The following PLA2G6 variants were observed in gnomAD, a reference collection of about 807,000 sequenced individuals.
The protein encoded by PLA2G6 is phospholipase A2 group VI, also known as 85/88 kDa calcium-independent phospholipase A2.
In PLA2G6, 62 loss-of-function variants were observed where a neutral mutation model predicts 83.8. The ratio of observed to expected loss-of-function variants is 0.74; its 90% CI spans 0.60 to 0.91. The LOEUF (loss-of-function observed/expected upper bound fraction) is 0.91. PLA2G6 is among the 40% of genes least tolerant of loss of function. The pLI is 0.00. For missense variants in PLA2G6, 944 were observed against 1,102.0 expected, an observed-to-expected ratio of 0.86 and a Z score of 2.03; for synonymous variants, 417 against 449.8, an observed-to-expected ratio of 0.93 and a Z score of 0.92.
rs1163368681 is a variant in PLA2G6, at chr22:38,174,597, GGAT to G, written c.-45-5129_-45-5127del. 2.0e-5 allele frequency among the ~76,000 whole-genome samples: 3 copies of G among 152,284 alleles called. No individual in the cohort carries two copies. In the East Asian group the frequency reaches 5.8e-4, roughly 29 times the overall value. On this transcript the variant is annotated intron_variant, in intron 1 of 16. Transcript: ENST00000332509. Reference sequence around the variant, plus strand: ...CCCCTGAGGGAAGGACCCCTAAAGGGGATGACTTTTTAGCTGAACTTTCCAGGA... The same window carrying G: ...CCCCTGAGGGAAGGACCCCTAAAGGGGACTTTTTAGCTGAACTTTCCAGGA...
At chr22:38,129,683 G>A in intron 7 of PLA2G6, 121 bp from the exon 8 acceptor site, 2 of 742,632 alleles carry the variant, frequency 2.7e-6, no homozygotes, top group Non-Finnish European at 4.9e-6. Context: ...AGCACGGGGA[G>A]ACACTGGAAC....
chr22:38,120,795 C>G lies in PLA2G6; in HGVS notation c.1706G>C (p.Gly569Ala). 6.2e-7 allele frequency: 1 copy of G among 1,613,910 alleles called. No individual in the cohort carries two copies. The highest frequency in any genetic ancestry group is 8.5e-7 in the Non-Finnish European group (1 of 1,180,028). ...PLEEFLKREF[G>A]EHTKMTDVRK... ...GACGTCCGTCATCTTGGTGTGCTCC[C>G]CAAACTCCCGCTTCAGGAACTCCTC... The change falls in exon 12 of 17, where the codon GGG becomes GCG. Residue 569 changes from glycine to alanine, a missense_variant. By Grantham distance (60) the Gly-to-Ala change is moderately conservative. Coordinates refer to ENST00000332509, the MANE Select transcript of PLA2G6 (RefSeq NM_003560.4).
intron 2 of PLA2G6, among the ~76,000 whole-genome samples, chr22:38,151,538 G>A (rs548448319): frequency 6.6e-6 from 1 of 152,278 alleles, no homozygotes; most frequent in South Asian, 2.1e-4. Context: ...ATCGTGCTGG[G>A]CCAAAAGCTT....
chr22:38,173,280 GGGGTAGACAATC>G (rs2090506655), intron 1 of PLA2G6, among the ~76,000 whole-genome samples: 1 of 152,022 alleles, frequency 6.6e-6, no homozygotes, highest in African/African-American at 2.4e-5. Context: ...ACCTTCCCGT[GGGGTAGACAATC>G]ACTTTTCCCC....
rs745774208 is a variant in PLA2G6, at chr22:38,126,435, T to C, written c.1363A>G (p.Met455Val). 2.5e-6 allele frequency: 4 copies of C among 1,609,910 alleles called. No homozygotes were observed. Among genetic ancestry groups the C allele is most frequent in the Admixed American group, 3.3e-5 (2 of 59,942 alleles). ...GGCTTCCGGGCCCGTGAGATGTGCA[T>C]GAGATCCTGTAGTTCTGTGAGGCAC... ...SLNNLELQDL[M>V]HISRARKPAF... The change falls in exon 10 of 17, where the codon ATG becomes GTG. Residue 455 changes from methionine to valine, a missense_variant. Coordinates refer to ENST00000332509, the MANE Select transcript of PLA2G6 (RefSeq NM_003560.4).
chr22:38,176,464 T>C (rs1289236285), intron 1 of PLA2G6, among the ~76,000 whole-genome samples: 1 of 152,140 alleles, frequency 6.6e-6, no homozygotes, highest in Non-Finnish European at 1.5e-5. Context: ...GGATGTCCCA[T>C]GATTGGAACA....
chr22:38,112,215 G>A lies in PLA2G6; in HGVS notation c.2367C>T (p.Ile789=), dbSNP rs150093048. The change falls in exon 17 of 17, where the codon ATC becomes ATT. Residue 789 remains isoleucine (I), a synonymous_variant. Transcript: ENST00000332509. The stretch of plus-strand genomic sequence containing the variant: ...TCTGGAACTCCTCGCGGTGCTCATA[G>A]ATGTAGACCTCGGTCTCCCAGAGGG... The part of the protein sequence containing the change: ...VNALWETEVY[I]YEHREEFQKL... 8 of 1,611,124 alleles carry A rather than the reference G, an allele frequency of 5.0e-6. No homozygotes were observed. In the African/African-American group the frequency reaches 8.0e-5, roughly 16 times the overall value.
At chr22:38,117,270 A>G (rs1211199679) in intron 12 of PLA2G6, among the ~76,000 whole-genome samples, 1 of 152,156 alleles carries the variant, frequency 6.6e-6, no homozygotes, top group East Asian at 1.9e-4. Context: ...ACAGTGGCGC[A>G]ATCTCGGCTC....
At chr22:38,149,513 T>C (rs2089452497) in intron 2 of PLA2G6, 1 of 152,072 alleles carries the variant, frequency 6.6e-6, no homozygotes, top group Non-Finnish European at 1.5e-5. Context: ...GTAGAGTACA[T>C]AAGAGACACA....
rs1161368639 is a variant in PLA2G6 at position 38,145,560 on chromosome 22, G to T, written c.303C>A (p.Val101=). ...LLPFYESSPQ[V]LHTEVLQHLT... Reference sequence around the variant, plus strand: ...GGTGCTGCAGGACCTCAGTGTGCAGGACCTGAGGGGAGCTCTCATAGAAGG... The same window carrying T: ...GGTGCTGCAGGACCTCAGTGTGCAGTACCTGAGGGGAGCTCTCATAGAAGG... Residue 101 remains valine (V), a synonymous_variant, in exon 3 of 17, where the codon GTC becomes GTA. Coordinates refer to ENST00000332509, the MANE Select transcript of PLA2G6 (RefSeq NM_003560.4). The T allele has an allele frequency of 6.2e-7, 1 of 1,613,030 alleles. No individual in the cohort carries two copies. The highest frequency in any genetic ancestry group is 1.3e-5 in the African/African-American group (1 of 74,880).
In PLA2G6 at chr22:38,134,974, C is replaced by T; in HGVS notation, c.894+14G>A. ...GGCCCCCTGCCCCACCCACCCACCT[C>T]AGGATCCACTCACCTCTGCGTTCTT... On this transcript the variant is annotated intron_variant, in intron 6 of 16. Transcript: ENST00000332509. 1 of 1,218,874 alleles carries T rather than the reference C, an allele frequency of 8.2e-7. No homozygotes were observed. The highest frequency in any genetic ancestry group is 1.2e-6 in the Non-Finnish European group (1 of 829,716). The allele number at this position is 1,218,874 out of a possible 1,614,324, so 75.5% of individuals were successfully genotyped here.
intron 12 of PLA2G6, among the ~76,000 whole-genome samples, chr22:38,118,233 C>A (rs867145372): frequency 3.9e-5 from 6 of 152,174 alleles, no homozygotes; most frequent in Admixed American, 6.5e-5. Context: ...CGTGGTCAGG[C>A]AGTGTTGATG....
intron 2 of PLA2G6, 100 bp downstream of exon 2, chr22:38,169,114 TCAGA>T (rs1216424860): frequency 2.6e-5 from 23 of 897,958 alleles, no homozygotes; most frequent in Admixed American, 6.0e-5. Flanking sequence ...TCCAGACCCC[TCAGA>T]CAGAGACTCA....
In PLA2G6 at chr22:38,132,931, A is replaced by T; in HGVS notation, c.977T>A (p.Met326Lys). 1 of 1,560,558 alleles carries T rather than the reference A, an allele frequency of 6.4e-7. No homozygotes were observed. The highest frequency in any genetic ancestry group is 8.7e-7 in the Non-Finnish European group (1 of 1,152,756). The stretch of plus-strand genomic sequence containing the variant: ...TATGGCACAGTCGAAGCGGTTGCGC[A>T]TCACCGCCACGTGCAGGGCCGTGTT... ...AGNTALHVAV[M>K]RNRFDCAIVL... is the part of the protein sequence containing the mutation. Residue 326 changes from methionine (M) to lysine (K), a missense_variant, in exon 7 of 17, where the codon ATG (methionine) becomes AAG (lysine). Met to Lys is a moderately conservative substitution (Grantham distance 95, BLOSUM62 -1). Coordinates refer to ENST00000332509, the MANE Select transcript of PLA2G6 (RefSeq NM_003560.4). The surrounding 1 kb of genome is among the most constrained non-coding windows in gnomAD (Gnocchi z 5.0).
rs141174626 is a variant in PLA2G6 at position 38,115,416 on chromosome 22, C to T, written c.2034+111G>A. The T allele has an allele frequency of 1.9e-5, 17 of 901,316 alleles. No homozygotes were observed. In the East Asian group the frequency reaches 2.1e-4, roughly 11 times the overall value. The allele number at this position is 901,316 out of a possible 1,614,324, so 55.8% of individuals were successfully genotyped here. The stretch of plus-strand genomic sequence containing the variant: ...CCCTGTGTGCACATATGAATGAGTG[C>T]GTGTGTAAAAGCCACCTGCTGTCCT... On this transcript the variant is annotated intron_variant, in intron 14 of 16. Coordinates refer to ENST00000332509, the MANE Select transcript of PLA2G6 (RefSeq NM_003560.4).
intron 1 of PLA2G6, among the ~76,000 whole-genome samples, chr22:38,174,096 CA>C (rs2090537038): frequency 1.3e-5 from 2 of 151,566 alleles, no homozygotes; most frequent in African/African-American, 4.9e-5. Context: ...TGATGTCCAC[CA>C]AAAAACAAAA....
intron 6 of PLA2G6, 31 bp downstream of exon 6, chr22:38,134,957 G>GGCCCC: frequency 1.0e-6 from 1 of 995,358 alleles, no homozygotes. Flanking sequence ...CCGGCCCCCT[G>GGCCCC]CCCCACCCAC....
Position 38,111,596 on chromosome 22 carries a change from G to A in PLA2G6, c.*565C>T, listed in dbSNP as rs886057497. ...TGACCTTTGAGAGCTGAGGGTTCTC[G>A]GGGTGGGGCAGTGTGAGGGGCTGGG... On this transcript the variant is annotated 3_prime_UTR_variant, in exon 17 of 17. Transcript: ENST00000332509. 2 of 172,528 alleles carry A rather than the reference G, an allele frequency of 1.2e-5. No individual in the cohort carries two copies. The highest frequency in any genetic ancestry group is 2.4e-5 in the African/African-American group (1 of 41,788). 10.7% of individuals were successfully genotyped at this position (172,528 alleles called of 1,614,324 possible).
chr22:38,145,041 T>C (rs2089167903), intron 3 of PLA2G6: 1 of 268,692 alleles, frequency 3.7e-6, no homozygotes, highest in South Asian at 3.3e-5. Flanking sequence ...CCTTTTTTTT[T>C]TTTTTTTTTT....
Sources: gnomAD v4.1 joint callset for allele counts (sites outside exome capture counted in the v4.1 genomes callset) on GRCh38, gnomAD v4.1.1 for gene constraint, Gnocchi (gnomAD v3.1) non-coding constraint, MANE v1.5 for transcripts, NCBI Gene and HGNC (gene_info 2026-07-23, HGNC 2026-07-21) for gene names.